The following TMTC2 variants were observed in gnomAD, a reference collection of about 807,000 sequenced individuals.
TMTC2 encodes the protein protein O-mannosyl-transferase TMTC2.
Under a neutral mutation model 82.4 loss-of-function variants are expected in TMTC2, and 43 were observed. The observed-to-expected ratio is 0.52, with a 90% CI of 0.41 to 0.67. The LOEUF is 0.67. Ranked by LOEUF, TMTC2 falls within the 30% of genes least tolerant of loss-of-function variation. The pLI is 0.00. For missense variants in TMTC2, 919 were observed against 1,012.4 expected (o/e 0.91, Z 1.25); for synonymous variants, 408 against 381.9 (o/e 1.07, Z -0.80).
At chr12:82,746,534 C>T (rs1244522256) in intron 1 of TMTC2, among the ~76,000 whole-genome samples, 1 of 152,132 alleles carries the variant, frequency 6.6e-6, no homozygotes, top group Admixed American at 6.6e-5. Context: ...CCTTTCTCTG[C>T]CCCCCATCTG....
At chr12:82,902,779 G>A (rs1291578575) in intron 3 of TMTC2, among the ~76,000 whole-genome samples, 1 of 152,140 alleles carries the variant, frequency 6.6e-6, no homozygotes, top group Non-Finnish European at 1.5e-5. Flanking sequence ...CTTCTTGGGT[G>A]ATAGGTTCAG....
At chr12:82,783,652 C>G (rs1281540801) in intron 1 of TMTC2, among the ~76,000 whole-genome samples, 1 of 152,042 alleles carries the variant, frequency 6.6e-6, no homozygotes, top group African/African-American at 2.4e-5. Context: ...TAATGCAAAT[C>G]CGGGGGAAGA....
intron 2 of TMTC2, among the ~76,000 whole-genome samples, chr12:82,876,022 T>TGGTGGC (rs1261129065): frequency 2.6e-4 from 25 of 97,142 alleles, no homozygotes; most frequent in East Asian, 3.2e-4. Context: ...ATGGTAGTAG[T>TGGTGGC]GGTGGCGGTG....
intron 4 of TMTC2, among the ~76,000 whole-genome samples, chr12:82,944,002 G>T (rs1424661332): frequency 6.6e-6 from 1 of 152,104 alleles, no homozygotes; most frequent in Non-Finnish European, 1.5e-5. Flanking sequence ...AAAAAGAAAA[G>T]AATAGAGGAG....
chr12:83,029,897 G>T (rs981806661), intron 8 of TMTC2, among the ~76,000 whole-genome samples: 1 of 152,104 alleles, frequency 6.6e-6, no homozygotes, highest in African/African-American at 2.4e-5. Context: ...TTCCTTGTGC[G>T]TATGATGGTA....
At position 83,132,669 on chromosome 12, in the gene TMTC2, G is replaced by T. The variant is rs1565899943; in HGVS notation, c.*280G>T. On this transcript the variant is annotated 3_prime_UTR_variant, in exon 12 of 12. Coordinates refer to ENST00000321196, the MANE Select transcript of TMTC2 (RefSeq NM_152588.3). ...GAACCTTTTGGCATTCTTAAAAAGG[G>T]AGGGGTGGGTGTGTAAGTCACAGAT... 2.3e-5 allele frequency: 8 copies of T among 346,882 alleles called. No homozygotes were observed. The highest frequency in any genetic ancestry group is 2.1e-5 in the Non-Finnish European group (4 of 194,710). 21.5% of individuals were successfully genotyped at this position (346,882 alleles called of 1,614,324 possible).
At chr12:82,789,450 C>G (rs1345922660) in intron 1 of TMTC2, among the ~76,000 whole-genome samples, 5 of 151,978 alleles carry the variant, frequency 3.3e-5, no homozygotes, top group Non-Finnish European at 7.4e-5. Context: ...ATTAATATTC[C>G]CGTGATGAAT....
chr12:83,005,946 G>A (rs1880181304), intron 8 of TMTC2, among the ~76,000 whole-genome samples: 1 of 152,204 alleles, frequency 6.6e-6, no homozygotes, highest in Admixed American at 6.5e-5. Flanking sequence ...GGATATCGAT[G>A]CCTATTACCA....
rs141791871 is a variant in TMTC2 at position 82,942,115 on chromosome 12, A to T, written c.1598+11570A>T. Among the ~76,000 whole-genome samples, 3 of 152,344 alleles carry T rather than the reference A, an allele frequency of 2.0e-5. No individual in the cohort carries two copies. The East Asian group carries it at 5.8e-4, about 29-fold the overall frequency. ...AAGTTCTCTTTTCTTTCTTCCTACC[A>T]AACCTTGGATATATTTTCTTTATTG... On this transcript the variant is annotated intron_variant, in intron 4 of 11. Coordinates refer to ENST00000321196, the MANE Select transcript of TMTC2 (RefSeq NM_152588.3).
At chr12:83,065,119 A>G (rs17010580) in intron 11 of TMTC2, among the ~76,000 whole-genome samples, 8,960 of 152,036 alleles carry the variant, frequency 0.059, 309 homozygotes, top group Middle Eastern at 0.082. Context: ...GGTCACTACT[A>G]TACAAAGTAA....
At chr12:82,694,702 G>A (rs1284641042) in intron 1 of TMTC2, among the ~76,000 whole-genome samples, 1 of 151,906 alleles carries the variant, frequency 6.6e-6, no homozygotes, top group Admixed American at 6.6e-5. Context: ...AAATGTTTCT[G>A]TGAGGTCTTT....
chr12:83,085,049 T>C (rs1422374336), intron 11 of TMTC2, among the ~76,000 whole-genome samples: 2 of 152,206 alleles, frequency 1.3e-5, no homozygotes, highest in Non-Finnish European at 1.5e-5. Flanking sequence ...GCACCTCTTA[T>C]GTAGGGGTTG....
At chr12:82,970,387 A>G (rs571737528) in intron 7 of TMTC2, among the ~76,000 whole-genome samples, 2 of 152,288 alleles carry the variant, frequency 1.3e-5, no homozygotes, top group South Asian at 2.1e-4. Context: ...TGCGGACTGC[A>G]GTGGCGCAAT....
chr12:82,869,894 C>T (rs1872085604), intron 2 of TMTC2, among the ~76,000 whole-genome samples: 1 of 151,292 alleles, frequency 6.6e-6, no homozygotes, highest in African/African-American at 2.4e-5. Context: ...GAATTTGAGG[C>T]CCACAAAAAT....
intron 4 of TMTC2, among the ~76,000 whole-genome samples, chr12:82,953,049 G>A (rs1877430404): frequency 6.6e-6 from 1 of 152,148 alleles, no homozygotes; most frequent in African/African-American, 2.4e-5. Flanking sequence ...TGGTTGGACA[G>A]TTTTATAAAG....
chr12:82,830,532 C>CT (rs1342488146), intron 1 of TMTC2, among the ~76,000 whole-genome samples: 1 of 151,992 alleles, frequency 6.6e-6, no homozygotes. Flanking sequence ...TCCTAGAAGC[C>CT]TTTTTTTCTT....
chr12:82,701,568 A>C (rs947900159), intron 1 of TMTC2, among the ~76,000 whole-genome samples: 2 of 148,552 alleles, frequency 1.3e-5, no homozygotes, highest in Admixed American at 1.4e-4. Flanking sequence ...CCTGACCAAC[A>C]TGGAGAAACC....
intron 11 of TMTC2, among the ~76,000 whole-genome samples, chr12:83,131,454 G>A (rs868030651): frequency 3.9e-5 from 6 of 151,960 alleles, no homozygotes; most frequent in South Asian, 2.1e-4. Context: ...CAATTATTAC[G>A]CATTATTGAA....
chr12:83,040,299 T>A (rs1881839486), intron 9 of TMTC2, among the ~76,000 whole-genome samples: 1 of 152,098 alleles, frequency 6.6e-6, no homozygotes, highest in Non-Finnish European at 1.5e-5. Context: ...TCTCCAGTGG[T>A]GACACAGACC....
Sources: gnomAD v4.1 joint callset for allele counts (sites outside exome capture counted in the v4.1 genomes callset) on GRCh38, gnomAD v4.1.1 for gene constraint, MANE v1.5 for transcripts, NCBI Gene and HGNC (gene_info 2026-07-23, HGNC 2026-07-21) for gene names.